NFIA: variants seen among roughly 807,000 people sequenced by gnomAD.
NFIA encodes the protein nuclear factor 1 A-type.
In NFIA, 8 loss-of-function variants were observed where a neutral mutation model predicts 62.8. That is an observed-to-expected ratio of 0.13 (90% CI 0.07 to 0.23). The LOEUF is 0.23. Ranked by LOEUF, NFIA falls within the 10% of genes least tolerant of loss-of-function variation. The pLI is 1.00. For synonymous variants in NFIA, 235 were observed against 238.1 expected (o/e 0.99, Z 0.12); for missense variants, 410 against 642.1 (o/e 0.64, Z 3.91).
At chr1:61,216,957 G>A (rs928592778) in intron 2 of NFIA, among the ~76,000 whole-genome samples, 14 of 151,636 alleles carry the variant, frequency 9.2e-5, no homozygotes, top group Admixed American at 5.2e-4. Context: ...CCAAGATCAC[G>A]CCATTGCACT....
At chr1:61,213,524 C>A (rs1486152412) in intron 2 of NFIA, among the ~76,000 whole-genome samples, 1 of 152,204 alleles carries the variant, frequency 6.6e-6, no homozygotes, top group African/African-American at 2.4e-5. Flanking sequence ...TGTACTGGCA[C>A]ATGGACGTGG....
chr1:61,128,808 A>G (rs1412914588), intron 2 of NFIA, among the ~76,000 whole-genome samples: 17 of 151,986 alleles, frequency 1.1e-4, no homozygotes. Context: ...ATCTGTTGAT[A>G]GAATTCCCTA....
chr1:61,326,738 AG>A (rs1439927018), intron 3 of NFIA, among the ~76,000 whole-genome samples: 1 of 152,232 alleles, frequency 6.6e-6, no homozygotes, highest in Admixed American at 6.5e-5. Context: ...GGGGGCAGCC[AG>A]GGAAGACTTT....
chr1:61,362,848 G>A lies in NFIA; in HGVS notation c.946+3574G>A, dbSNP rs17121993. On this transcript the variant is annotated intron_variant, in intron 6 of 10. Coordinates refer to ENST00000403491, the MANE Select transcript of NFIA (RefSeq NM_001134673.4). ...GAAGCAAATCATGAATTGACAAAACGAGTCCTATGAAATTCTATCAAGCAC... is the reference window on the plus strand; with the variant it reads ...GAAGCAAATCATGAATTGACAAAACAAGTCCTATGAAATTCTATCAAGCAC... 2.1e-3 allele frequency among the ~76,000 whole-genome samples: 321 copies of A among 152,264 alleles called. 8 individuals are homozygous for A. In the East Asian group the frequency reaches 0.046, roughly 22 times the overall value.
rs7511693 is a variant in NFIA, at chr1:61,271,845, A to G, written c.560-5675A>G. On this transcript the variant is annotated intron_variant, in intron 2 of 10. Coordinates refer to ENST00000403491, the MANE Select transcript of NFIA (RefSeq NM_001134673.4). ...TTGCTGGGAAAGTTATAAAGATGAA[A>G]TTTTGTATTTAAAATCCAGTAATGA... 3.9e-3 allele frequency among the ~76,000 whole-genome samples: 592 copies of G among 152,330 alleles called. 2 individuals carry two copies. Among genetic ancestry groups the G allele is most frequent in the African/African-American group, 0.013 (522 of 41,576 alleles).
chr1:61,246,946 C>T (rs1164141192), intron 2 of NFIA, among the ~76,000 whole-genome samples: 1 of 152,134 alleles, frequency 6.6e-6, no homozygotes, highest in East Asian at 1.9e-4. Context: ...TGAACTCATT[C>T]CCTTTACCTG....
chr1:61,392,671 C>T (rs950918706), intron 7 of NFIA, among the ~76,000 whole-genome samples: 1 of 152,210 alleles, frequency 6.6e-6, no homozygotes, highest in African/African-American at 2.4e-5. Flanking sequence ...TTTGTCATCC[C>T]TGCAGCAAAC....
intron 2 of NFIA, among the ~76,000 whole-genome samples, chr1:61,170,502 G>A (rs866938294): frequency 1.3e-4 from 20 of 152,088 alleles, no homozygotes; most frequent in African/African-American, 4.3e-4. Context: ...GCTCACAGTC[G>A]AGTCATAGCA....
chr1:61,175,380 G>T (rs538030625), intron 2 of NFIA, among the ~76,000 whole-genome samples: 4 of 152,100 alleles, frequency 2.6e-5, no homozygotes, highest in Non-Finnish European at 5.9e-5. Flanking sequence ...GGCCTCAAGG[G>T]ATCCACCTGC....
chr1:61,081,826 GA>G, upstream of NFIA: 1 of 1,497,046 alleles, frequency 6.7e-7, no homozygotes, highest in African/African-American at 1.4e-5. Context: ...CTCTGCCGAC[GA>G]ATCTATTCCC....
intron 4 of NFIA, among the ~76,000 whole-genome samples, chr1:61,341,424 G>A (rs967100613): frequency 2.0e-5 from 3 of 152,050 alleles, no homozygotes; most frequent in Non-Finnish European, 4.4e-5. Flanking sequence ...CATATTATGA[G>A]CAAAAATTCC....
chr1:61,373,144 C>T (rs924294581), intron 6 of NFIA, among the ~76,000 whole-genome samples: 1 of 152,014 alleles, frequency 6.6e-6, no homozygotes, highest in African/African-American at 2.4e-5. Context: ...CAAAGGCCTT[C>T]GAAGGCAAAG....
intron 2 of NFIA, among the ~76,000 whole-genome samples, chr1:61,206,453 A>T (rs1457889912): frequency 2.6e-5 from 4 of 152,204 alleles, no homozygotes; most frequent in South Asian, 4.1e-4. Flanking sequence ...CACAGTGTTG[A>T]CTAGGGAAGA....
chr1:61,193,731 A>G (rs7533296), intron 2 of NFIA, among the ~76,000 whole-genome samples: 1,708 of 152,338 alleles, frequency 0.011, 14 homozygotes, highest in Middle Eastern at 0.027. Context: ...GGTCCTAGAA[A>G]TAAAATTCTG....
chr1:61,407,201 A>G (rs1336502109), intron 9 of NFIA, among the ~76,000 whole-genome samples: 2 of 152,194 alleles, frequency 1.3e-5, no homozygotes, highest in Non-Finnish European at 2.9e-5. Flanking sequence ...AAAGGTGTGT[A>G]CACTGACCAT....
At chr1:61,262,217 A>C (rs947481262) in intron 2 of NFIA, among the ~76,000 whole-genome samples, 1 of 151,828 alleles carries the variant, frequency 6.6e-6, no homozygotes, top group Non-Finnish European at 1.5e-5. Context: ...TTTTATGTGA[A>C]AATTTGTATT....
chr1:61,365,858 A>G (rs958660870), intron 6 of NFIA, among the ~76,000 whole-genome samples: 4 of 152,190 alleles, frequency 2.6e-5, no homozygotes, highest in African/African-American at 9.7e-5. Flanking sequence ...CACGTGAAAT[A>G]TCATCATTAG....
At chr1:61,107,084 TAGA>T (rs1417735945) in intron 2 of NFIA, among the ~76,000 whole-genome samples, 1 of 151,722 alleles carries the variant, frequency 6.6e-6, no homozygotes, top group Non-Finnish European at 1.5e-5. Context: ...GATGGATCTA[TAGA>T]AGGTTTCCAG....
At chr1:61,118,599 G>T (rs534905731) in intron 2 of NFIA, among the ~76,000 whole-genome samples, 19 of 152,096 alleles carry the variant, frequency 1.2e-4, no homozygotes, top group African/African-American at 4.3e-4. Context: ...GGATGAGGCC[G>T]CATTCATACT....
Sources: allele counts gnomAD v4.1 joint callset (sites outside exome capture counted in the v4.1 genomes callset), GRCh38; gene constraint gnomAD v4.1.1; transcripts MANE v1.5; gene names NCBI Gene and HGNC (gene_info 2026-07-23, HGNC 2026-07-21).